Variants in IGSF21 observed in about 807,000 individuals in gnomAD.
The protein encoded by IGSF21 is immunoglobin superfamily member 21.
IGSF21 carries 28 observed loss-of-function variants against 46.8 expected under a neutral mutation model. The ratio of observed to expected loss-of-function variants is 0.60; its 90% CI spans 0.44 to 0.82. The LOEUF (loss-of-function observed/expected upper bound fraction) is 0.82. IGSF21 is among the 40% of genes least tolerant of loss of function. The pLI is 0.00. For missense variants in IGSF21, 624 were observed against 665.5 expected, an observed-to-expected ratio of 0.94 and a Z score of 0.69; for synonymous variants, 284 against 273.6, an observed-to-expected ratio of 1.04 and a Z score of -0.38.
At chr1:18,142,651 A>G (rs924118639) in intron 1 of IGSF21, among the ~76,000 whole-genome samples, 3 of 152,202 alleles carry the variant, frequency 2.0e-5, no homozygotes, top group Non-Finnish European at 2.9e-5. Context: ...CAAGCCCCAC[A>G]GCCAATCCTC....
intron 4 of IGSF21, among the ~76,000 whole-genome samples, chr1:18,353,798 G>A (rs997285418): frequency 2.0e-5 from 3 of 152,224 alleles, no homozygotes; most frequent in Non-Finnish European, 4.4e-5. Context: ...TGTGTTTGGC[G>A]CATGGTGATG....
At chr1:18,330,696 T>G (rs2085704276) in intron 3 of IGSF21, among the ~76,000 whole-genome samples, 1 of 151,922 alleles carries the variant, frequency 6.6e-6, no homozygotes, top group Non-Finnish European at 1.5e-5. Context: ...TAGCTAGAGA[T>G]GTAGAAGGAA....
At chr1:18,217,398 G>A (rs373970971) in intron 1 of IGSF21, among the ~76,000 whole-genome samples, 1 of 152,156 alleles carries the variant, frequency 6.6e-6, no homozygotes, top group African/African-American at 2.4e-5. Context: ...ACACTTCTGG[G>A]CCAAAATAAC....
intron 1 of IGSF21, among the ~76,000 whole-genome samples, chr1:18,210,552 C>G (rs990854280): frequency 2.0e-5 from 3 of 151,758 alleles, no homozygotes; most frequent in African/African-American, 7.3e-5. Context: ...GTTGGAGACT[C>G]TCTCTGCTGT....
intron 1 of IGSF21, among the ~76,000 whole-genome samples, chr1:18,216,931 T>G (rs1424635088): frequency 1.3e-5 from 2 of 152,052 alleles, no homozygotes; most frequent in Non-Finnish European, 2.9e-5. Context: ...CAAGATAGGG[T>G]ATTTGTCTTC....
chr1:18,357,291 T>G, intron 4 of IGSF21, among the ~76,000 whole-genome samples: 4 of 131,462 alleles, frequency 3.0e-5, no homozygotes, highest in Admixed American at 8.1e-5. Flanking sequence ...GAGATGAAGA[T>G]GGAGTGGGGA....
At chr1:18,358,097 A>G (rs1167929365) in intron 4 of IGSF21, among the ~76,000 whole-genome samples, 1 of 151,970 alleles carries the variant, frequency 6.6e-6, no homozygotes, top group Non-Finnish European at 1.5e-5. Flanking sequence ...TGTAAGCGCC[A>G]TGCTGTGCAA....
chr1:18,205,185 GGAGA>G (rs1291613409), intron 1 of IGSF21, among the ~76,000 whole-genome samples: 1 of 151,780 alleles, frequency 6.6e-6, no homozygotes, highest in East Asian at 1.9e-4. Flanking sequence ...GGAGAGAGGA[GGAGA>G]GAGAGAATTC....
intron 1 of IGSF21, among the ~76,000 whole-genome samples, chr1:18,222,110 A>G (rs1167174817): frequency 6.6e-6 from 1 of 152,056 alleles, no homozygotes; most frequent in Admixed American, 6.5e-5. Context: ...TCCCCCACCC[A>G]TGCCTGCTCA....
intron 3 of IGSF21, among the ~76,000 whole-genome samples, chr1:18,295,227 A>G (rs2085301583): frequency 6.6e-6 from 1 of 152,172 alleles, no homozygotes; most frequent in Admixed American, 6.5e-5. Context: ...CTCTCTGGAT[A>G]GAGCGTCCCA....
intron 1 of IGSF21, among the ~76,000 whole-genome samples, chr1:18,187,112 G>A (rs560511098): frequency 4.3e-4 from 65 of 152,228 alleles, no homozygotes; most frequent in African/African-American, 1.4e-3. Flanking sequence ...TGGGGACTAG[G>A]AAGTCCAAGA....
intron 2 of IGSF21, among the ~76,000 whole-genome samples, chr1:18,271,852 T>A (rs61336002): frequency 0.043 from 6,559 of 152,198 alleles, 410 homozygotes; most frequent in African/African-American, 0.13. Context: ...GTAGCTGGCA[T>A]GGAGGATGGC....
intron 3 of IGSF21, among the ~76,000 whole-genome samples, chr1:18,324,948 A>G (rs1287819084): frequency 6.6e-6 from 1 of 152,212 alleles, no homozygotes; most frequent in East Asian, 1.9e-4. Context: ...TATTGACACC[A>G]TTGTTAAGGT....
intron 2 of IGSF21, among the ~76,000 whole-genome samples, chr1:18,259,018 T>A (rs1218942675): frequency 2.0e-5 from 3 of 152,176 alleles, no homozygotes; most frequent in East Asian, 1.9e-4. Flanking sequence ...GGGGCCCTTT[T>A]GAAAGCAGGC....
rs200747711 is a variant in IGSF21, at chr1:18,337,531, G to C, written c.424+2521G>C. Among the ~76,000 whole-genome samples, 1 of 152,150 alleles carries C rather than the reference G, an allele frequency of 6.6e-6. No individual in the cohort carries two copies. Among genetic ancestry groups the C allele is most frequent in the African/African-American group, 2.4e-5 (1 of 41,436 alleles). On this transcript the variant is annotated intron_variant, in intron 4 of 9. Transcript: ENST00000251296. This position sits in a 1 kb window ranked among gnomAD's most constrained non-coding sequence, Gnocchi z 5.7. ...AGTCCCCCATTCACAGCTCCAAAGA[G>C]CCCTGCACTAGTCTGAGGAATGACT... is the stretch of plus-strand genomic sequence containing the variant.
At chr1:18,241,629 T>C (rs980259232) in intron 2 of IGSF21, among the ~76,000 whole-genome samples, 24 of 152,180 alleles carry the variant, frequency 1.6e-4, no homozygotes, top group African/African-American at 2.4e-5. Flanking sequence ...GACCCTCGAA[T>C]GCGCTGAATC....
At chr1:18,352,351 T>A (rs2085966730) in intron 4 of IGSF21, among the ~76,000 whole-genome samples, 1 of 152,136 alleles carries the variant, frequency 6.6e-6, no homozygotes, top group African/African-American at 2.4e-5. Context: ...TCCACATATT[T>A]GAACTTGGAT....
At chr1:18,220,264 G>A (rs1342628858) in intron 1 of IGSF21, among the ~76,000 whole-genome samples, 1 of 152,154 alleles carries the variant, frequency 6.6e-6, no homozygotes, top group African/African-American at 2.4e-5. Context: ...ACCACTCAGT[G>A]CTGATTTCCT....
At chr1:18,175,570 C>G (rs2086787405) in intron 1 of IGSF21, among the ~76,000 whole-genome samples, 1 of 152,120 alleles carries the variant, frequency 6.6e-6, no homozygotes, top group Non-Finnish European at 1.5e-5. Flanking sequence ...CTCCTTGTCC[C>G]TTGCTCCTGG....
Sources: gnomAD v4.1 joint callset for allele counts (sites outside exome capture counted in the v4.1 genomes callset) on GRCh38, gnomAD v4.1.1 for gene constraint, Gnocchi (gnomAD v3.1) non-coding constraint, MANE v1.5 for transcripts, NCBI Gene and HGNC (gene_info 2026-07-23, HGNC 2026-07-21) for gene names.